Variants in MGAT4C observed in about 807,000 individuals in gnomAD.
The protein encoded by MGAT4C is MGAT4 family member C, also known as alpha-1,3-mannosyl-glycoprotein 4-beta-N-acetylglucosaminyltransferase C.
MGAT4C carries 19 observed loss-of-function variants against 40.1 expected under a neutral mutation model. The ratio of observed to expected loss-of-function variants is 0.47; its 90% CI spans 0.33 to 0.70. The LOEUF (loss-of-function observed/expected upper bound fraction) is 0.70, where lower values mean the gene tolerates loss of function less well. Among genes scored for constraint, MGAT4C ranks in the 30% least tolerant of loss-of-function variants. The pLI is 0.02. For synonymous variants in MGAT4C, 181 were observed against 187.1 expected (o/e 0.97, Z 0.27); for missense variants, 491 against 563.2 (o/e 0.87, Z 1.30).
intron 1 of MGAT4C, among the ~76,000 whole-genome samples, chr12:86,778,330 T>C (rs1951778236): frequency 6.6e-6 from 1 of 152,182 alleles, no homozygotes; most frequent in African/African-American, 2.4e-5. Flanking sequence ...AGAGAAGATG[T>C]ATAATTTTAG....
chr12:86,532,161 G>A (rs1204991365), intron 2 of MGAT4C, among the ~76,000 whole-genome samples: 1 of 151,944 alleles, frequency 6.6e-6, no homozygotes, highest in Admixed American at 6.6e-5. Flanking sequence ...GGGACAATAA[G>A]CTATAAGCTG....
intron 4 of MGAT4C, among the ~76,000 whole-genome samples, chr12:86,297,279 G>T (rs1167977503): frequency 1.3e-5 from 2 of 152,092 alleles, no homozygotes; most frequent in African/African-American, 4.8e-5. Flanking sequence ...GTCCTGGAGA[G>T]TTTATTTCTG....
At chr12:86,389,494 T>C (rs1956125882) in intron 3 of MGAT4C, among the ~76,000 whole-genome samples, 1 of 152,220 alleles carries the variant, frequency 6.6e-6, no homozygotes, top group East Asian at 1.9e-4. Context: ...TGAATTGTGC[T>C]CAGTGAACAT....
At chr12:86,477,811 G>A (rs1327681525) in intron 2 of MGAT4C, among the ~76,000 whole-genome samples, 1 of 151,954 alleles carries the variant, frequency 6.6e-6, no homozygotes, top group Non-Finnish European at 1.5e-5. Flanking sequence ...TGTTATCATT[G>A]TTCAATTCCC....
chr12:86,260,251 G>A (rs1229726769), upstream of MGAT4C, among the ~76,000 whole-genome samples: 1 of 152,112 alleles, frequency 6.6e-6, no homozygotes, highest in Admixed American at 6.6e-5. Flanking sequence ...GTTGTCCACA[G>A]CTGGCTCCCA....
At chr12:86,769,612 A>C (rs1316164518) in intron 1 of MGAT4C, among the ~76,000 whole-genome samples, 3 of 152,136 alleles carry the variant, frequency 2.0e-5, no homozygotes, top group Non-Finnish European at 4.4e-5. Flanking sequence ...CTTGGAACCA[A>C]CCCAAATATC....
At chr12:86,194,534 T>A (rs961832325) in intron 1 of MGAT4C, among the ~76,000 whole-genome samples, 3 of 151,786 alleles carry the variant, frequency 2.0e-5, no homozygotes, top group South Asian at 4.2e-4. Flanking sequence ...GGCTCAGTGC[T>A]ACCTCCACCT....
At chr12:86,489,757 A>G (rs61950776) in intron 2 of MGAT4C, among the ~76,000 whole-genome samples, 15,818 of 152,202 alleles carry the variant, frequency 0.1, 1,035 homozygotes, top group Middle Eastern at 0.25. Flanking sequence ...CCTGCAAAGG[A>G]GTTAAGAAAT....
intron 2 of MGAT4C, among the ~76,000 whole-genome samples, chr12:86,530,741 T>C (rs1055335733): frequency 6.6e-6 from 1 of 151,976 alleles, no homozygotes; most frequent in African/African-American, 2.4e-5. Flanking sequence ...TATTTCTCAA[T>C]CAAGAATGCC....
chr12:85,969,450 T>G lies in MGAT4C; in HGVS notation c.*9839A>C, dbSNP rs570996774. On this transcript the variant is annotated 3_prime_UTR_variant, in exon 5 of 5. Transcript: ENST00000611864. ...TATGATTAATACAAAGTTATAATTT[T>G]TGGAGTCTTTTAGTGTACCCAGAGC... 4 of 151,690 alleles carry G rather than the reference T, an allele frequency of 2.6e-5. No individual in the cohort carries two copies. Among genetic ancestry groups the G allele is most frequent in the Non-Finnish European group, 5.9e-5 (4 of 67,684 alleles). 9.4% of individuals were successfully genotyped at this position (151,690 alleles called of 1,614,324 possible). A position where few individuals can be genotyped will look rare whatever the true frequency, so the allele number is the denominator to read the frequency against.
rs139511097 is a variant in MGAT4C at position 86,227,088 on chromosome 12, A to T, written c.-57+29151T>A. ...CTGACATATCCAGGGGTCTTTAAAA[A>T]TTTTTTCCAGACTTTATCTAAATCA... is the stretch of plus-strand genomic sequence containing the variant. On this transcript the variant is annotated intron_variant, in intron 1 of 4. Transcript: ENST00000611864. 1.0e-3 allele frequency among the ~76,000 whole-genome samples: 154 copies of T among 151,890 alleles called. 1 individual carries two copies. In the Middle Eastern group the frequency reaches 0.01, roughly 10 times the overall value.
At chr12:86,437,868 C>G (rs945282245) in intron 2 of MGAT4C, among the ~76,000 whole-genome samples, 1 of 151,858 alleles carries the variant, frequency 6.6e-6, no homozygotes, top group East Asian at 1.9e-4. Flanking sequence ...TTCAGACTAC[C>G]GCACTGACCA....
intron 2 of MGAT4C, among the ~76,000 whole-genome samples, chr12:86,049,270 C>A (rs1892681461): frequency 6.6e-6 from 1 of 151,702 alleles, no homozygotes; most frequent in Admixed American, 6.6e-5. Flanking sequence ...GAGAAAGTTA[C>A]CAATATTAAT....
chr12:86,282,306 C>A (rs1953237730), intron 4 of MGAT4C, among the ~76,000 whole-genome samples: 1 of 152,046 alleles, frequency 6.6e-6, no homozygotes, highest in South Asian at 2.1e-4. Flanking sequence ...TTACATTTTT[C>A]TATCTTCAAT....
At chr12:86,400,899 C>A (rs551607947) in intron 3 of MGAT4C, among the ~76,000 whole-genome samples, 18 of 152,144 alleles carry the variant, frequency 1.2e-4, no homozygotes, top group Admixed American at 4.6e-4. Flanking sequence ...TTATCTACAT[C>A]TAAAGAGTGG....
intron 2 of MGAT4C, among the ~76,000 whole-genome samples, chr12:86,619,690 A>G (rs1962576940): frequency 6.6e-6 from 1 of 151,838 alleles, no homozygotes; most frequent in African/African-American, 2.4e-5. Context: ...AGCTTAGTTT[A>G]TTCTTTTGAA....
intron 1 of MGAT4C, among the ~76,000 whole-genome samples, chr12:86,223,768 A>G (rs1461441470): frequency 6.6e-6 from 1 of 151,718 alleles, no homozygotes; most frequent in Non-Finnish European, 1.5e-5. Flanking sequence ...TCCTTCTAAC[A>G]CTCCTTCTAA....
Position 85,973,286 on chromosome 12 carries a change from A to C in MGAT4C, c.*6003T>G, listed in dbSNP as rs914764931. On this transcript the variant is annotated 3_prime_UTR_variant, in exon 5 of 5. Coordinates refer to ENST00000611864, the MANE Select transcript of MGAT4C (RefSeq NM_001351288.2). Reference sequence around the variant, plus strand: ...TTAGCTTTCAATTATGAACACTCTCAGCCTCTATTGCTTTATATATGCATT... The same window carrying C: ...TTAGCTTTCAATTATGAACACTCTCCGCCTCTATTGCTTTATATATGCATT... The C allele has an allele frequency of 4.0e-5, 6 of 150,928 alleles. No homozygotes were observed. Among genetic ancestry groups the C allele is most frequent in the Admixed American group, 3.3e-4 (5 of 15,126 alleles). 9.3% of individuals were successfully genotyped at this position (150,928 alleles called of 1,614,324 possible). A position where few individuals can be genotyped will look rare whatever the true frequency, so the allele number is the denominator to read the frequency against.
intron 2 of MGAT4C, among the ~76,000 whole-genome samples, chr12:86,621,150 G>A (rs1265497533): frequency 6.6e-6 from 1 of 151,392 alleles, no homozygotes; most frequent in Non-Finnish European, 1.5e-5. Context: ...ATTTTTCAAT[G>A]GTATTTATTT....
Sources: allele counts gnomAD v4.1 joint callset (sites outside exome capture counted in the v4.1 genomes callset), GRCh38; gene constraint gnomAD v4.1.1; transcripts MANE v1.5; gene names NCBI Gene and HGNC (gene_info 2026-07-23, HGNC 2026-07-21).